The following LAMA2 variants were observed in gnomAD, a reference collection of about 807,000 sequenced individuals.
LAMA2 encodes the protein laminin subunit alpha 2.
Under a neutral mutation model 364.8 loss-of-function variants are expected in LAMA2, and 269 were observed. That is an observed-to-expected ratio of 0.74 (90% confidence interval 0.67 to 0.82). LAMA2 has a LOEUF of 0.82. LAMA2 is among the 40% of genes least tolerant of loss of function. The pLI is 0.00. For missense variants in LAMA2, 3,807 were observed against 3,873.2 expected (o/e 0.98, Z 0.45); for synonymous variants, 1,379 against 1,370.6 (o/e 1.01, Z -0.14).
At chr6:128,969,315 A>G (rs747536991) in intron 1 of LAMA2, among the ~76,000 whole-genome samples, 14 of 152,192 alleles carry the variant, frequency 9.2e-5, no homozygotes, top group Admixed American at 2.0e-4. Context: ...TAACATTCCA[A>G]TTTCTAAAGA....
At chr6:129,148,480 G>T (rs961429062) in intron 6 of LAMA2, among the ~76,000 whole-genome samples, 1 of 151,994 alleles carries the variant, frequency 6.6e-6, no homozygotes, top group African/African-American at 2.4e-5. Flanking sequence ...GGCTTGGAAG[G>T]CCAATTCCAG....
intron 1 of LAMA2, among the ~76,000 whole-genome samples, chr6:128,920,257 A>C (rs1038151115): frequency 6.6e-6 from 1 of 151,746 alleles, no homozygotes; most frequent in African/African-American, 2.4e-5. Flanking sequence ...TCCCGGGTTC[A>C]AGCGATTCTC....
chr6:128,964,417 C>T (rs1406148669), intron 1 of LAMA2, among the ~76,000 whole-genome samples: 4 of 151,994 alleles, frequency 2.6e-5, no homozygotes, highest in Non-Finnish European at 4.4e-5. Flanking sequence ...ATACAATTCA[C>T]CTCTCCCACA....
At chr6:129,248,943 C>T (rs1785970004) in intron 12 of LAMA2, among the ~76,000 whole-genome samples, 1 of 152,132 alleles carries the variant, frequency 6.6e-6, no homozygotes. Context: ...CGAATAAGGC[C>T]ATTTCTCAGT....
At chr6:129,189,776 C>T (rs1316156757) in intron 10 of LAMA2, among the ~76,000 whole-genome samples, 1 of 152,110 alleles carries the variant, frequency 6.6e-6, no homozygotes, top group Non-Finnish European at 1.5e-5. Flanking sequence ...TACATCCATG[C>T]ATTAATGTCT....
At chr6:129,082,233 A>G (rs962593352) in intron 3 of LAMA2, among the ~76,000 whole-genome samples, 2 of 152,108 alleles carry the variant, frequency 1.3e-5, no homozygotes, top group Non-Finnish European at 2.9e-5. Context: ...ATGAATAGAT[A>G]TTGAATAATG....
chr6:128,948,967 G>A (rs9492153), intron 1 of LAMA2, among the ~76,000 whole-genome samples: 13,218 of 152,118 alleles, frequency 0.087, 597 homozygotes, highest in South Asian at 0.12. Flanking sequence ...TTTCTTAAAA[G>A]CAGTGCAAAA....
chr6:129,108,332 T>G (rs1012911933), intron 4 of LAMA2, among the ~76,000 whole-genome samples: 4 of 152,150 alleles, frequency 2.6e-5, no homozygotes, highest in Non-Finnish European at 5.9e-5. Flanking sequence ...CTTGTTAGAA[T>G]TTTGTTTGCT....
At chr6:129,363,504 G>A (rs73776970) in intron 32 of LAMA2, among the ~76,000 whole-genome samples, 1,670 of 152,246 alleles carry the variant, frequency 0.011, 23 homozygotes, top group African/African-American at 0.037. Flanking sequence ...GATAATGTGG[G>A]ACGCAGATTC....
At chr6:128,997,673 T>C (rs1339367252) in intron 1 of LAMA2, among the ~76,000 whole-genome samples, 3 of 152,124 alleles carry the variant, frequency 2.0e-5, no homozygotes, top group Non-Finnish European at 4.4e-5. Flanking sequence ...CACATGCCTA[T>C]ACTCCCAGCT....
chr6:129,382,058 T>C (rs1390503684), intron 34 of LAMA2, among the ~76,000 whole-genome samples: 1 of 152,202 alleles, frequency 6.6e-6, no homozygotes, highest in African/African-American at 2.4e-5. Flanking sequence ...TACGTATATT[T>C]TAAATATTAA....
intron 1 of LAMA2, among the ~76,000 whole-genome samples, chr6:128,982,001 G>A (rs746940381): frequency 5.1e-4 from 77 of 152,226 alleles, no homozygotes; most frequent in South Asian, 6.2e-4. Context: ...TGAGTCACAC[G>A]CTTTCCAAAC....
chr6:128,956,832 C>T (rs938576417), intron 1 of LAMA2, among the ~76,000 whole-genome samples: 4 of 151,752 alleles, frequency 2.6e-5, no homozygotes, highest in African/African-American at 9.7e-5. Context: ...TAAAGGAACA[C>T]CAAAATCGAA....
chr6:128,945,464 A>G (rs1396323784), intron 1 of LAMA2, among the ~76,000 whole-genome samples: 1 of 152,206 alleles, frequency 6.6e-6, no homozygotes, highest in African/African-American at 2.4e-5. Context: ...TTCTCCTTCT[A>G]TCTGTCATAA....
Position 129,507,584 on chromosome 6 carries a change from A to C in LAMA2, c.8799A>C (p.Thr2933=), listed in dbSNP as rs1786201381. Residue 2933 remains threonine, a synonymous_variant, in exon 62 of 65, where the codon ACA becomes ACC. Coordinates refer to ENST00000421865, the MANE Select transcript of LAMA2 (RefSeq NM_000426.4). ...EQPTSSFHVG[T]CFANAQRGTY... is the part of the protein sequence containing the mutation. ...CCACCTCCAGCTTCCATGTTGGGAC[A>C]TGTTTTGCAAATGCTCAGAGGGGAA... The C allele has an allele frequency of 1.9e-6, 3 of 1,614,168 alleles. No individual in the cohort carries two copies. Among genetic ancestry groups the C allele is most frequent in the Non-Finnish European group, 2.5e-6 (3 of 1,179,990 alleles).
At chr6:129,324,655 T>C (rs562716308) in intron 28 of LAMA2, among the ~76,000 whole-genome samples, 2 of 152,358 alleles carry the variant, frequency 1.3e-5, no homozygotes, top group Admixed American at 6.5e-5. Context: ...CTACATGGGA[T>C]AGCCTGTTGC....
chr6:129,327,619 A>G (rs1775378724), intron 28 of LAMA2, among the ~76,000 whole-genome samples: 1 of 152,188 alleles, frequency 6.6e-6, no homozygotes, highest in Non-Finnish European at 1.5e-5. Context: ...TTGTTGATAC[A>G]TTTTCATAAT....
Position 129,154,616 on chromosome 6 carries a change from A to G in LAMA2, c.1139A>G (p.Asn380Ser), listed in dbSNP as rs752575481. 2 of 1,613,986 alleles carry G rather than the reference A, an allele frequency of 1.2e-6. No homozygotes were observed. The highest frequency in any genetic ancestry group is 1.7e-5 in the Admixed American group (1 of 60,016). Residue 380 changes from asparagine to serine, a missense_variant, in exon 8 of 65, where the codon AAT becomes AGT. By Grantham distance (46) the Asn-to-Ser change is conservative. This residue lies in a region of LAMA2 where 80 missense variants were observed against 124.0 expected (regional missense o/e 0.65). Coordinates refer to ENST00000421865, the MANE Select transcript of LAMA2 (RefSeq NM_000426.4). Reference protein sequence around the residue: ...GKYIGGGVCINCTQNTAGINC... With the variant: ...GKYIGGGVCISCTQNTAGINC... ...TACATTGGAGGGGGTGTCTGCATTAATTGTACCCAAAACACTGCTGGTATA... is the reference window on the plus strand; with the variant it reads ...TACATTGGAGGGGGTGTCTGCATTAGTTGTACCCAAAACACTGCTGGTATA...
chr6:129,263,955 G>A (rs1787315672), intron 15 of LAMA2, among the ~76,000 whole-genome samples: 1 of 151,974 alleles, frequency 6.6e-6, no homozygotes. Context: ...TGTTGCACAG[G>A]CTGATCTCGA....
Sources: gnomAD v4.1 joint callset for allele counts (sites outside exome capture counted in the v4.1 genomes callset) on GRCh38, gnomAD v4.1.1 for gene constraint, gnomAD v4.1.1 regional missense constraint, MANE v1.5 for transcripts, NCBI Gene and HGNC (gene_info 2026-07-23, HGNC 2026-07-21) for gene names.